XPOT: variants seen among roughly 807,000 people sequenced by gnomAD.
XPOT encodes exportin-T.
A neutral mutation model predicts 128.2 loss-of-function variants in XPOT; 34 were observed. That is an observed-to-expected ratio of 0.27 (90% confidence interval 0.20 to 0.35). The LOEUF (loss-of-function observed/expected upper bound fraction) is 0.35, where lower values mean the gene tolerates loss of function less well. XPOT is among the 10% of genes least tolerant of loss of function. XPOT has a pLI of 1.00. For synonymous variants in XPOT, 348 were observed against 394.3 expected (o/e 0.88, Z 1.39); for missense variants, 838 against 1,125.3 (o/e 0.74, Z 3.65).
At position 64,428,118 on chromosome 12, in the gene XPOT, C is replaced by T. The variant is rs1335759510; in HGVS notation, c.1735C>T (p.Pro579Ser). 2.6e-6 allele frequency: 4 copies of T among 1,541,178 alleles called. No individual in the cohort carries two copies. The highest frequency in any genetic ancestry group is 1.4e-5 in the African/African-American group (1 of 73,322). Residue 579 changes from proline to serine, a missense_variant and splice_region_variant, in exon 16 of 25, where the codon CCT becomes TCT. Coordinates refer to ENST00000332707, the MANE Select transcript of XPOT (RefSeq NM_007235.6). ...RIQDLLELSP[P>S]ENGHQSLLSS... ...ACAAGATTTATTAGAGCTTTCTCCACCTGTAAGTATCTGTCTCTTTAAGAT... is the reference window on the plus strand; with the variant it reads ...ACAAGATTTATTAGAGCTTTCTCCATCTGTAAGTATCTGTCTCTTTAAGAT...
rs905164589 is a variant in XPOT, at chr12:64,425,380, A to G, written c.1495A>G (p.Thr499Ala). ...GVSSYQHTSV[T>A]LEFFETVVRY... ...CAGTTCCTATCAGCATACATCTGTG[A>G]CATTGGAGTTCTTCGAAACTGTTGT... Residue 499 changes from threonine (T) to alanine (A), a missense_variant, in exon 14 of 25, where the codon ACA becomes GCA. By Grantham distance (58) the Thr-to-Ala change is moderately conservative. Around this residue, in one of 3 missense-constraint regions of XPOT, gnomAD observed 761 missense variants for 988.3 expected, o/e 0.77. Coordinates refer to ENST00000332707, the MANE Select transcript of XPOT (RefSeq NM_007235.6). 1.9e-6 allele frequency: 3 copies of G among 1,613,416 alleles called. No homozygotes were observed. In the African/African-American group the frequency reaches 4.0e-5, roughly 22 times the overall value.
intron 22 of XPOT, among the ~76,000 whole-genome samples, chr12:64,436,341 C>T (rs1460140342): frequency 6.6e-6 from 1 of 151,980 alleles, no homozygotes; most frequent in African/African-American, 2.4e-5. Context: ...CTGCAGCCTC[C>T]ACCTCCTGGA....
At chr12:64,434,768 G>C (rs202189572) in intron 20 of XPOT, 26 bp from the exon 21 acceptor site, 3 of 1,601,736 alleles carry the variant, frequency 1.9e-6, no homozygotes, top group East Asian at 4.5e-5. Context: ...TTATATATAA[G>C]ATGAAAATTT....
chr12:64,437,042 C>G (rs2040288362), intron 22 of XPOT, among the ~76,000 whole-genome samples: 1 of 152,196 alleles, frequency 6.6e-6, no homozygotes, highest in Admixed American at 6.5e-5. Context: ...GTTGCCCTCA[C>G]CCCCTAAAAA....
chr12:64,427,114 G>A (rs935531545), intron 15 of XPOT, among the ~76,000 whole-genome samples: 3 of 147,036 alleles, frequency 2.0e-5, no homozygotes, highest in Admixed American at 2.0e-4. Flanking sequence ...ATGTACTCCC[G>A]ACCTTTTTTT....
At chr12:64,443,480 G>A (rs188117337) in intron 23 of XPOT, 14 of 151,626 alleles carry the variant, frequency 9.2e-5, no homozygotes, top group Admixed American at 2.0e-4. Flanking sequence ...TTTGAGACAG[G>A]GTCATCCACT....
intron 8 of XPOT, 46 bp from the exon 9 acceptor site, chr12:64,421,189 C>T (rs1164080051): frequency 7.2e-7 from 1 of 1,395,272 alleles, no homozygotes; most frequent in African/African-American, 1.4e-5. Flanking sequence ...TTCCTCTTAG[C>T]TTGGGCAGGC....
intron 5 of XPOT, 100 bp from the exon 6 acceptor site, chr12:64,418,776 G>A: frequency 1.0e-6 from 1 of 963,204 alleles, no homozygotes; most frequent in South Asian, 1.6e-5. Context: ...TCTGGGCCAT[G>A]TTGACATTTG....
Position 64,428,018 on chromosome 12 carries a change from TATTA to T in XPOT, c.1668-29_1668-26del, listed in dbSNP as rs778684091. 6.3e-5 allele frequency: 89 copies of T among 1,412,160 alleles called. No homozygotes were observed. In the East Asian group the frequency reaches 1.7e-3, roughly 27 times the overall value. The allele number at this position is 1,412,160 out of a possible 1,614,324, so 87.5% of individuals were successfully genotyped here. A position where few individuals can be genotyped will look rare whatever the true frequency, so the allele number is the denominator to read the frequency against. The stretch of plus-strand genomic sequence containing the variant: ...ATTTTAGCACTGTTTTGAGCACTGT[TATTA>T]ATTGTGATTTCCTTTTTCTGTTTTT... On this transcript the variant is annotated intron_variant, in intron 15 of 24. Transcript: ENST00000332707.
At chr12:64,415,631 G>A (rs528171394) in intron 3 of XPOT, among the ~76,000 whole-genome samples, 7 of 152,078 alleles carry the variant, frequency 4.6e-5, no homozygotes, top group Admixed American at 1.3e-4. Context: ...CGCCCGTCTC[G>A]GCCTTCCAAA....
chr12:64,430,024 T>C, intron 16 of XPOT, 25 bp from the exon 17 acceptor site: 1 of 1,536,632 alleles, frequency 6.5e-7, no homozygotes, highest in Non-Finnish European at 8.7e-7. Context: ...AATAAAAGCT[T>C]TAATAAGACT....
At chr12:64,434,071 AGTG>A (rs2040261439) in intron 19 of XPOT, among the ~76,000 whole-genome samples, 1 of 152,114 alleles carries the variant, frequency 6.6e-6, no homozygotes, top group Non-Finnish European at 1.5e-5. Flanking sequence ...GCTGTAGTGC[AGTG>A]GTGTCATCAC....
At chr12:64,423,568 C>T (rs2040162326) in intron 11 of XPOT, among the ~76,000 whole-genome samples, 1 of 152,124 alleles carries the variant, frequency 6.6e-6, no homozygotes, top group South Asian at 2.1e-4. Flanking sequence ...ATTCTTGTGC[C>T]TCAGCCACCT....
At chr12:64,435,100 A>C (rs1430449464) in intron 21 of XPOT, among the ~76,000 whole-genome samples, 191 bp downstream of exon 21, 2 of 152,136 alleles carry the variant, frequency 1.3e-5, no homozygotes, top group Non-Finnish European at 2.9e-5. Context: ...TCCCAATGCT[A>C]CTGCTGAATT....
intron 23 of XPOT, among the ~76,000 whole-genome samples, chr12:64,440,051 A>G (rs2040312507): frequency 6.6e-6 from 1 of 152,236 alleles, no homozygotes; most frequent in South Asian, 2.1e-4. Context: ...TGATGTGCCT[A>G]TAAAATATAG....
At position 64,450,877 on chromosome 12, in the gene XPOT, A is replaced by C. The variant is rs2040406909; in HGVS notation, c.*2746A>C. ...TTCCCAGTTGGTTGACCTTATAAGA[A>C]AACACTGTGTGGTATTTTAATGTGG... is the stretch of plus-strand genomic sequence containing the variant. On this transcript the variant is annotated 3_prime_UTR_variant, in exon 25 of 25. Coordinates refer to ENST00000332707, the MANE Select transcript of XPOT (RefSeq NM_007235.6). The C allele has an allele frequency of 6.6e-6, 1 of 152,246 alleles. No homozygotes were observed. Among genetic ancestry groups the C allele is most frequent in the East Asian group, 1.9e-4 (1 of 5,200 alleles). The allele number at this position is 152,246 out of a possible 1,614,324, so 9.4% of individuals were successfully genotyped here.
intron 1 of XPOT, 21 bp from the exon 2 acceptor site, chr12:64,409,941 C>T (rs944265342): frequency 4.2e-6 from 4 of 947,312 alleles, no homozygotes; most frequent in South Asian, 2.8e-5. Flanking sequence ...TGTTTTCTTT[C>T]AACTTTGTTT....
In XPOT at chr12:64,450,868, C is replaced by T. The variant is rs1457749066; in HGVS notation, c.*2737C>T. ...GTTAATTGCTTCCCAGTTGGTTGAC[C>T]TTATAAGAAAACACTGTGTGGTATT... On this transcript the variant is annotated 3_prime_UTR_variant, in exon 25 of 25. Transcript: ENST00000332707. The T allele has an allele frequency of 1.3e-5, 2 of 152,150 alleles. No individual in the cohort carries two copies. Among genetic ancestry groups the T allele is most frequent in the African/African-American group, 4.8e-5 (2 of 41,428 alleles). 9.4% of individuals were successfully genotyped at this position (152,150 alleles called of 1,614,324 possible).
intron 12 of XPOT, 22 bp from the exon 13 acceptor site, chr12:64,425,016 C>A: frequency 6.2e-7 from 1 of 1,611,410 alleles, no homozygotes. Flanking sequence ...TTAAATCTCA[C>A]TGACATATTA....
Sources: allele counts gnomAD v4.1 joint callset (sites outside exome capture counted in the v4.1 genomes callset), GRCh38; gene constraint gnomAD v4.1.1; regional missense constraint gnomAD v4.1.1; transcripts MANE v1.5; gene names NCBI Gene and HGNC (gene_info 2026-07-23, HGNC 2026-07-21).